LARGE1: variants seen among roughly 807,000 people sequenced by gnomAD.
The protein encoded by LARGE1 is xylosyl- and glucuronyltransferase LARGE1.
LARGE1 carries 43 observed loss-of-function variants against 87.6 expected under a neutral mutation model. The ratio of observed to expected loss-of-function variants is 0.49; its 90% CI spans 0.38 to 0.63. The LOEUF (loss-of-function observed/expected upper bound fraction) is 0.63, where lower values mean the gene tolerates loss of function less well. Among genes scored for constraint, LARGE1 ranks in the 30% least tolerant of loss-of-function variants. LARGE1 has a pLI of 0.00. For synonymous variants in LARGE1, 434 were observed against 394.6 expected, an observed-to-expected ratio of 1.10 and a Z score of -1.18; for missense variants, 802 against 1,000.2, an observed-to-expected ratio of 0.80 and a Z score of 2.67.
chr22:33,489,933 A>C (rs2069755490), intron 6 of LARGE1, among the ~76,000 whole-genome samples: 1 of 152,100 alleles, frequency 6.6e-6, no homozygotes, highest in Admixed American at 6.5e-5. Flanking sequence ...GCTGTCTCTA[A>C]AGAGGGTGCC....
chr22:33,354,093 G>A (rs902378362), intron 9 of LARGE1, among the ~76,000 whole-genome samples: 4 of 152,232 alleles, frequency 2.6e-5, no homozygotes, highest in Non-Finnish European at 5.9e-5. Flanking sequence ...GTTGCTGGTA[G>A]TATTCTATCT....
chr22:33,837,924 T>C (rs1030895070), intron 1 of LARGE1, among the ~76,000 whole-genome samples: 3 of 152,170 alleles, frequency 2.0e-5, no homozygotes, highest in African/African-American at 7.2e-5. Context: ...CAGCAAAATT[T>C]TTATGTGTAA....
intron 2 of LARGE1, among the ~76,000 whole-genome samples, chr22:33,685,875 T>C (rs908768487): frequency 2.0e-5 from 3 of 152,178 alleles, no homozygotes; most frequent in African/African-American, 4.8e-5. Context: ...TAGTCTTGAT[T>C]TTCTTAGCTG....
chr22:33,864,694 C>A (rs1449478831), intron 1 of LARGE1, among the ~76,000 whole-genome samples: 1 of 152,198 alleles, frequency 6.6e-6, no homozygotes, highest in African/African-American at 2.4e-5. Flanking sequence ...GGCTGCATCA[C>A]TGCCTTGAGA....
intron 1 of LARGE1, among the ~76,000 whole-genome samples, chr22:33,878,016 G>A (rs949449936): frequency 2.0e-5 from 3 of 150,718 alleles, no homozygotes; most frequent in African/African-American, 7.3e-5. Flanking sequence ...ATATATTTTG[G>A]TTATGCTGGG....
chr22:33,110,662 T>C, the LARGE1 span: 1 of 152,228 alleles, frequency 6.6e-6, no homozygotes, highest in Non-Finnish European at 1.5e-5. Flanking sequence ...TTCTGCACAG[T>C]TCGCACAGCG....
intron 6 of LARGE1, among the ~76,000 whole-genome samples, chr22:33,486,326 C>T (rs973015926): frequency 1.1e-4 from 17 of 152,198 alleles, no homozygotes; most frequent in Non-Finnish European, 1.0e-4. Context: ...ACCAAAGCCA[C>T]GGAAAGCAGA....
chr22:33,735,589 T>G (rs2083627188), intron 2 of LARGE1, among the ~76,000 whole-genome samples: 1 of 152,202 alleles, frequency 6.6e-6, no homozygotes, highest in African/African-American at 2.4e-5. Context: ...GATCCAAGTC[T>G]CCTGGTCCTG....
chr22:33,120,716 C>T, the LARGE1 span, among the ~76,000 whole-genome samples: 1 of 151,902 alleles, frequency 6.6e-6, no homozygotes, highest in African/African-American at 2.4e-5. Context: ...AGGGTTTCAC[C>T]GTGTTGGCCA....
chr22:33,292,610 G>A (rs946779250), intron 12 of LARGE1, among the ~76,000 whole-genome samples: 5 of 152,098 alleles, frequency 3.3e-5, no homozygotes, highest in Admixed American at 6.6e-5. Context: ...GAGAGTCCAC[G>A]CCTAGCTGCT....
At chr22:33,920,498 CGGCGGCGCGGGGGGGGCTGCAACCG>C (rs2065915721), upstream of LARGE1, 1 of 145,484 alleles carries the variant, frequency 6.9e-6, no homozygotes, top group Non-Finnish European at 1.5e-5. Flanking sequence ...GCGCCGAACG[CGGCGGCGCGGGGGGGGCTGCAACCG>C]GCCGCGGCGC....
chr22:33,785,385 G>T (rs2085609250), intron 1 of LARGE1, among the ~76,000 whole-genome samples: 1 of 151,972 alleles, frequency 6.6e-6, no homozygotes, highest in Admixed American at 6.6e-5. Context: ...AACTCATAAA[G>T]TCACTCGATG....
At chr22:33,183,844 G>A (rs994387720) in intron 11 of LARGE1, among the ~76,000 whole-genome samples, 1 of 151,980 alleles carries the variant, frequency 6.6e-6, no homozygotes, top group Non-Finnish European at 1.5e-5. Context: ...GGTTGTCAGA[G>A]GCTGGGGGGT....
intron 2 of LARGE1, among the ~76,000 whole-genome samples, chr22:33,731,695 A>C (rs989859575): frequency 2.0e-5 from 3 of 152,160 alleles, no homozygotes; most frequent in Non-Finnish European, 4.4e-5. Context: ...GTTTGCTGGG[A>C]GGGTAGATTT....
intron 6 of LARGE1, among the ~76,000 whole-genome samples, chr22:33,513,636 T>G (rs997643245): frequency 3.3e-5 from 5 of 152,084 alleles, no homozygotes; most frequent in African/African-American, 9.7e-5. Flanking sequence ...TTAAGTAAAA[T>G]CTGTCTGGAT....
the LARGE1 span, among the ~76,000 whole-genome samples, chr22:33,091,901 T>C: frequency 6.7e-6 from 1 of 150,168 alleles, no homozygotes; most frequent in Non-Finnish European, 1.5e-5. Flanking sequence ...GTTTTTCGTT[T>C]GTTTGTTTGT....
At chr22:33,889,935 G>A (rs923714785) in intron 1 of LARGE1, among the ~76,000 whole-genome samples, 16 of 152,186 alleles carry the variant, frequency 1.1e-4, no homozygotes, top group Non-Finnish European at 1.5e-4. Flanking sequence ...GACAGATGAG[G>A]AACACACAGG....
chr22:33,706,235 G>T (rs2082558599), intron 2 of LARGE1, among the ~76,000 whole-genome samples: 1 of 152,134 alleles, frequency 6.6e-6, no homozygotes, highest in Non-Finnish European at 1.5e-5. Flanking sequence ...TTTCTCTTCT[G>T]GGAGCTGCTT....
chr22:33,868,052 C>T (rs953590247), intron 1 of LARGE1, among the ~76,000 whole-genome samples: 2 of 152,216 alleles, frequency 1.3e-5, no homozygotes, highest in African/African-American at 4.8e-5. Context: ...TTCCCACAAC[C>T]ACGGTACATT....
Sources: allele counts gnomAD v4.1 joint callset (sites outside exome capture counted in the v4.1 genomes callset), GRCh38; gene constraint gnomAD v4.1.1; transcripts MANE v1.5; gene names NCBI Gene and HGNC (gene_info 2026-07-23, HGNC 2026-07-21).